The following C10orf143 variants were observed in gnomAD, a reference collection of about 807,000 sequenced individuals.
The protein encoded by C10orf143 is chromosome 10 open reading frame 143.
At chr10:130,063,758 G>C (rs1860883042), downstream of C10orf143, 1 of 152,218 alleles carries the variant, frequency 6.6e-6, no homozygotes, top group Non-Finnish European at 1.5e-5. Flanking sequence ...CAGCCTCACA[G>C]TCAGACGATA....
intron 1 of C10orf143, among the ~76,000 whole-genome samples, chr10:130,087,020 C>CT (rs1447871182): frequency 1.3e-5 from 2 of 152,222 alleles, no homozygotes; most frequent in African/African-American, 4.8e-5. Context: ...AAGCCATACT[C>CT]TGCCACCAAG....
chr10:130,089,360 T>C (rs1157151413), intron 1 of C10orf143, among the ~76,000 whole-genome samples: 2 of 152,270 alleles, frequency 1.3e-5, no homozygotes, highest in Admixed American at 1.3e-4. Flanking sequence ...TCTGCATTTA[T>C]AGAAAACTAG....
chr10:130,108,122 C>G, intron 1 of C10orf143: 1 of 1,554,918 alleles, frequency 6.4e-7, no homozygotes, highest in Non-Finnish European at 8.9e-7. Context: ...TGTTCCTCCA[C>G]CTCTTGCCCT....
At chr10:130,100,328 A>C (rs1358738550) in intron 1 of C10orf143, among the ~76,000 whole-genome samples, 1 of 151,814 alleles carries the variant, frequency 6.6e-6, no homozygotes, top group Non-Finnish European at 1.5e-5. Flanking sequence ...TCAGGTGTTC[A>C]AGACCAGCCT....
intron 3 of C10orf143, among the ~76,000 whole-genome samples, chr10:130,058,029 G>A (rs1438786516): frequency 6.6e-6 from 1 of 152,206 alleles, no homozygotes; most frequent in Non-Finnish European, 1.5e-5. Flanking sequence ...CCACTCTAGA[G>A]CCAGGGAATT....
At chr10:130,092,572 AC>A (rs1274700418) in intron 1 of C10orf143, among the ~76,000 whole-genome samples, 1 of 152,180 alleles carries the variant, frequency 6.6e-6, no homozygotes, top group Non-Finnish European at 1.5e-5. Flanking sequence ...AACAATATTA[AC>A]CTTAAACATA....
At chr10:130,061,987 G>A (rs1360319669), downstream of C10orf143, among the ~76,000 whole-genome samples, 1 of 152,118 alleles carries the variant, frequency 6.6e-6, no homozygotes, top group East Asian at 1.9e-4. Flanking sequence ...AGCAAGTCAG[G>A]GGGTGGGTGG....
At chr10:130,106,554 C>T (rs1290790988) in intron 1 of C10orf143, 8 of 1,586,886 alleles carry the variant, frequency 5.0e-6, no homozygotes, top group African/African-American at 2.7e-5. Context: ...GCGGATATTT[C>T]AAAAACGATA....
chr10:130,042,237 G>A (rs1216707974), intron 3 of C10orf143, among the ~76,000 whole-genome samples: 1 of 152,234 alleles, frequency 6.6e-6, no homozygotes, highest in Non-Finnish European at 1.5e-5. Flanking sequence ...TGTGCATAGA[G>A]TTATCACGTA....
At position 130,043,317 on chromosome 10, in the gene C10orf143, A is replaced by G. The variant is rs115362070; in HGVS notation, c.298-7347T>C. Among the ~76,000 whole-genome samples, 740 of 152,332 alleles carry G rather than the reference A, an allele frequency of 4.9e-3. 5 individuals carry two copies. The highest frequency in any genetic ancestry group is 0.017 in the Middle Eastern group (5 of 294). Reference sequence around the variant, plus strand: ...AAAATTGAAGAGAACGCGTTAACATATTAAAGCAAATTGGAAAGGTTATCA... The same window carrying G: ...AAAATTGAAGAGAACGCGTTAACATGTTAAAGCAAATTGGAAAGGTTATCA... On this transcript the variant is annotated intron_variant and NMD_transcript_variant, in intron 3 of 5. Coordinates refer to the C10orf143 transcript ENST00000643056.
chr10:130,097,157 A>C (rs1026672627), intron 1 of C10orf143, among the ~76,000 whole-genome samples: 2 of 152,106 alleles, frequency 1.3e-5, no homozygotes, highest in African/African-American at 4.8e-5. Flanking sequence ...CTTGACAAAA[A>C]GACAACACAA....
chr10:130,100,526 A>G (rs1861531658), intron 1 of C10orf143, among the ~76,000 whole-genome samples: 1 of 152,206 alleles, frequency 6.6e-6, no homozygotes, highest in Non-Finnish European at 1.5e-5. Flanking sequence ...CTCAAAAACA[A>G]AAACTGCCAA....
Position 130,096,850 on chromosome 10 carries a change from TA to T in C10orf143, c.69+13853del, listed in dbSNP as rs71007592. Among the ~76,000 whole-genome samples the T allele has an allele frequency of 4.5e-3, 647 of 142,372 alleles. 4 individuals carry two copies. Among genetic ancestry groups the T allele is most frequent in the African/African-American group, 0.015 (588 of 38,734 alleles). 93.4% of individuals were successfully genotyped at this position (142,372 alleles called of 152,430 possible). On this transcript the variant is annotated intron_variant, in intron 1 of 3. Coordinates refer to ENST00000637128, the MANE Select transcript of C10orf143 (RefSeq NM_001355042.2). ...ATGTATCCCAAAACTTAAAATATAT[TA>T]AAAAAAAAAAGAAAACGAAAAGACA...
At chr10:130,104,671 T>C (rs1861611086) in intron 1 of C10orf143, 1 of 152,180 alleles carries the variant, frequency 6.6e-6, no homozygotes, top group Non-Finnish European at 1.5e-5. Context: ...AGAGGCAATA[T>C]ACACCATGCC....
chr10:130,099,020 G>A lies in C10orf143; in HGVS notation c.69+11684C>T, dbSNP rs572085679. ...GGAGAATCACTTGAACCCAGGGGGC[G>A]GAGGTTGCAGTGAGCCAAGATCATG... On this transcript the variant is annotated intron_variant, in intron 1 of 3. Coordinates refer to ENST00000637128, the MANE Select transcript of C10orf143 (RefSeq NM_001355042.2). Among the ~76,000 whole-genome samples the A allele has an allele frequency of 5.3e-5, 8 of 151,716 alleles. No individual in the cohort carries two copies. In the East Asian group the frequency reaches 5.8e-4, roughly 11 times the overall value.
chr10:130,036,844 G>A (rs1002495864), intron 3 of C10orf143, among the ~76,000 whole-genome samples: 8 of 152,174 alleles, frequency 5.3e-5, no homozygotes, highest in Middle Eastern at 3.4e-3. Flanking sequence ...GGTGGGCAGG[G>A]TATGGGCCTG....
chr10:130,040,120 T>C (rs572589486), intron 3 of C10orf143, among the ~76,000 whole-genome samples: 31 of 152,188 alleles, frequency 2.0e-4, no homozygotes, highest in East Asian at 1.2e-3. Context: ...GTGGGAGTCA[T>C]CTGAGCCTGG....
chr10:130,110,485 C>A (rs1861744267), intron 1 of C10orf143, among the ~76,000 whole-genome samples: 1 of 152,268 alleles, frequency 6.6e-6, no homozygotes, highest in Non-Finnish European at 1.5e-5. Context: ...CGCGCCCGAC[C>A]GCGCAGGCGC....
At chr10:130,043,742 AC>A (rs1860633809) in intron 3 of C10orf143, among the ~76,000 whole-genome samples, 1 of 152,036 alleles carries the variant, frequency 6.6e-6, no homozygotes, top group African/African-American at 2.4e-5. Flanking sequence ...AAGCATCTCC[AC>A]CCCACTGTTC....
Sources: allele counts gnomAD v4.1 joint callset (sites outside exome capture counted in the v4.1 genomes callset), GRCh38; gene constraint gnomAD v4.1.1; transcripts MANE v1.5; gene names NCBI Gene and HGNC (gene_info 2026-07-23, HGNC 2026-07-21).